The following MRPS22 variants were observed in gnomAD, a reference collection of about 807,000 sequenced individuals.
The protein encoded by MRPS22 is small ribosomal subunit protein mS22.
A neutral mutation model predicts 44.0 loss-of-function variants in MRPS22; 30 were observed. The ratio of observed to expected loss-of-function variants is 0.68; its 90% CI spans 0.51 to 0.93. MRPS22 has a LOEUF of 0.93. Among genes scored for constraint, MRPS22 ranks in the 40% least tolerant of loss-of-function variants. The pLI is 0.00. For synonymous variants in MRPS22, 165 were observed against 154.4 expected, an observed-to-expected ratio of 1.07 and a Z score of -0.51; for missense variants, 447 against 447.8, an observed-to-expected ratio of 1.00 and a Z score of 0.02.
Position 139,351,042 on chromosome 3 carries a change from T to G in MRPS22, c.714T>G (p.Asp238Glu), listed in dbSNP as rs368016539. The G allele has an allele frequency of 3.1e-6, 5 of 1,613,732 alleles. No homozygotes were observed. Among genetic ancestry groups the G allele is most frequent in the African/African-American group, 2.7e-5 (2 of 74,922 alleles). ...LNLCFAQFEP[D>E]STEYIKVHHK... ...TCTGCTTTGCCCAGTTTGAGCCAGA[T>G]TCCACAGAGTATATCAAGGTGAGTA... Residue 238 changes from aspartate (D) to glutamate (E), a missense_variant, in exon 5 of 8, where the codon GAT (aspartate) becomes GAG (glutamate). Transcript: ENST00000680020.
intron 1 of MRPS22, chr3:139,344,844 T>G (rs920684584): frequency 5.4e-6 from 3 of 557,724 alleles, no homozygotes; most frequent in Non-Finnish European, 9.5e-6. Context: ...GAAGATTAAT[T>G]AATTGTTGGA....
chr3:139,351,178 C>G, intron 5 of MRPS22, 118 bp downstream of exon 5: 1 of 765,026 alleles, frequency 1.3e-6, no homozygotes, highest in Non-Finnish European at 2.3e-6. Flanking sequence ...AGAGAAATAC[C>G]TGAAAATCTA....
At chr3:139,348,502 T>A in intron 3 of MRPS22, 178 bp downstream of exon 3, 3 of 650,262 alleles carry the variant, frequency 4.6e-6, no homozygotes, top group Non-Finnish European at 8.2e-6. Flanking sequence ...CAGCCCCACA[T>A]CATGGTGTTA....
At chr3:139,356,453 T>G (rs1031266720) in intron 7 of MRPS22, among the ~76,000 whole-genome samples, 2 of 152,218 alleles carry the variant, frequency 1.3e-5, no homozygotes, top group East Asian at 3.9e-4. Flanking sequence ...GTTTGCATGC[T>G]GCAAAGCTAA....
In MRPS22 at chr3:139,357,111, C is replaced by A; in HGVS notation, c.*97C>A. 9.7e-7 allele frequency: 1 copy of A among 1,033,786 alleles called. No homozygotes were observed. The highest frequency in any genetic ancestry group is 1.5e-6 in the Non-Finnish European group (1 of 686,092). The allele number at this position is 1,033,786 out of a possible 1,614,324, so 64.0% of individuals were successfully genotyped here. A position where few individuals can be genotyped will look rare whatever the true frequency, so the allele number is the denominator to read the frequency against. On this transcript the variant is annotated 3_prime_UTR_variant, in exon 8 of 8. Transcript: ENST00000680020. ...AAAAAATGGCCAGATTAAAAGATAT[C>A]AATTTGTAGTTCTCCCTACAAAGCA...
intron 3 of MRPS22, chr3:139,349,326 A>C (rs1203288129): frequency 2.2e-6 from 1 of 449,446 alleles, no homozygotes; most frequent in Non-Finnish European, 4.4e-6. Context: ...TTCGATTGGC[A>C]GTGTTGATGG....
At chr3:139,344,784 CTTAAGT>C in intron 1 of MRPS22, 2 of 628,608 alleles carry the variant, frequency 3.2e-6, no homozygotes, top group Middle Eastern at 4.9e-4. Flanking sequence ...AAGATTGTTT[CTTAAGT>C]TTTTGATTGG....
At chr3:139,348,584 C>T in intron 3 of MRPS22, 1 of 440,252 alleles carries the variant, frequency 2.3e-6, no homozygotes, top group Non-Finnish European at 4.2e-6. Context: ...AAGGAGTACA[C>T]AGATACAGAC....
chr3:139,344,046 C>T lies in MRPS22; in HGVS notation c.20C>T (p.Thr7Ile). 6.2e-7 allele frequency: 1 copy of T among 1,614,196 alleles called. No homozygotes were observed. The highest frequency in any genetic ancestry group is 1.6e-4 in the Middle Eastern group (1 of 6,062). Residue 7 changes from threonine (T) to isoleucine (I), a missense_variant, in exon 1 of 8, where the codon ACT (threonine) becomes ATT (isoleucine). By Grantham distance (89) the Thr-to-Ile change is moderately conservative. Coordinates refer to ENST00000680020, the MANE Select transcript of MRPS22 (RefSeq NM_020191.4). The part of the protein sequence containing the change: MAPLGT[T>I]VLLWSLLRSS... The stretch of plus-strand genomic sequence containing the variant: ...ATAATCATGGCGCCCCTCGGAACAA[C>T]TGTATTGCTGTGGAGCCTCTTGAGG...
chr3:139,344,981 GGA>G (rs1941011347), intron 1 of MRPS22, among the ~76,000 whole-genome samples: 1 of 152,132 alleles, frequency 6.6e-6, no homozygotes, highest in Non-Finnish European at 1.5e-5. Flanking sequence ...TGTTTAGTAT[GGA>G]GTTAAATATA....
rs1284216630 is a variant in MRPS22, at chr3:139,356,938, C to CA, written c.1008dup (p.Gln337ThrfsTer29). 2 of 1,612,692 alleles carry CA rather than the reference C, an allele frequency of 1.2e-6. No homozygotes were observed. Among genetic ancestry groups the CA allele is most frequent in the South Asian group, 2.2e-5 (2 of 90,762 alleles). ...AAACAGGTCTTTGCAAAAACAGAAG[C>CA]ACAGAAGGGAGCCTATATAGAACTA... On this transcript the variant is annotated frameshift_variant, in exon 8 of 8. Coordinates refer to ENST00000680020, the MANE Select transcript of MRPS22 (RefSeq NM_020191.4). LOFTEE classifies it high-confidence loss of function.
chr3:139,348,021 G>T (rs998926016), intron 2 of MRPS22, 139 bp from the exon 3 acceptor site: 11 of 859,092 alleles, frequency 1.3e-5, no homozygotes, highest in African/African-American at 1.2e-4. Flanking sequence ...TCCAGGTTTG[G>T]CTTTTTACTC....
rs745536491 is a variant in MRPS22, at chr3:139,347,119, A to G, written c.339+75A>G. ...ACAACATTTCTAGAGGCCCCTCCAG[A>G]TGCTTATAGCTATTCTTCCATAGGC... is the stretch of plus-strand genomic sequence containing the variant. On this transcript the variant is annotated intron_variant, in intron 2 of 7. Transcript: ENST00000680020. 13 of 1,502,384 alleles carry G rather than the reference A, an allele frequency of 8.7e-6. No homozygotes were observed. The Admixed American group carries it at 1.0e-4, about 12-fold the overall frequency. The allele number at this position is 1,502,384 out of a possible 1,614,324, so 93.1% of individuals were successfully genotyped here. A position where few individuals can be genotyped will look rare whatever the true frequency, so the allele number is the denominator to read the frequency against.
At chr3:139,348,487 C>G in intron 3 of MRPS22, 163 bp downstream of exon 3, 1 of 684,466 alleles carries the variant, frequency 1.5e-6, no homozygotes, top group South Asian at 1.6e-5. Context: ...ATGAGAAATG[C>G]AGACCAGCCC....
intron 4 of MRPS22, chr3:139,350,646 T>C (rs947474472): frequency 4.9e-5 from 20 of 409,758 alleles, no homozygotes. Flanking sequence ...CAGGCTGGTC[T>C]TGAACTCCTG....
intron 6 of MRPS22, 140 bp from the exon 7 acceptor site, chr3:139,355,542 A>G (rs1215971548): frequency 2.7e-6 from 2 of 751,864 alleles, no homozygotes; most frequent in Non-Finnish European, 4.6e-6. Context: ...TGAAACTGTA[A>G]AACTGAAGGT....
intron 2 of MRPS22, among the ~76,000 whole-genome samples, 160 bp from the exon 3 acceptor site, chr3:139,348,000 G>A (rs983952305): frequency 6.6e-6 from 1 of 152,246 alleles, no homozygotes; most frequent in African/African-American, 2.4e-5. Context: ...GCAAAGGCCA[G>A]GGCTCACAAG....
At chr3:139,348,558 T>C in intron 3 of MRPS22, 1 of 522,460 alleles carries the variant, frequency 1.9e-6, no homozygotes, top group Non-Finnish European at 3.5e-6. Context: ...AGATTCCAGA[T>C]GTGCTGAGGC....
Sources: gnomAD v4.1 joint callset for allele counts (sites outside exome capture counted in the v4.1 genomes callset) on GRCh38, gnomAD v4.1.1 for gene constraint, MANE v1.5 for transcripts, NCBI Gene and HGNC (gene_info 2026-07-23, HGNC 2026-07-21) for gene names.